Variants in NDST4 observed in about 807,000 individuals in gnomAD.
The protein encoded by NDST4 is N-heparan sulfate sulfotransferase 4.
Under a neutral mutation model 100.8 loss-of-function variants are expected in NDST4, and 63 were observed. The observed-to-expected ratio is 0.62, with a 90% CI of 0.51 to 0.77. The LOEUF is 0.77. Among genes scored for constraint, NDST4 ranks in the 30% least tolerant of loss-of-function variants. The pLI is 0.00. For synonymous variants in NDST4, 377 were observed against 361.8 expected (o/e 1.04, Z -0.48); for missense variants, 943 against 1,018.4 (o/e 0.93, Z 1.01).
chr4:114,929,203 C>T (rs1170968776), intron 6 of NDST4, among the ~76,000 whole-genome samples: 1 of 151,294 alleles, frequency 6.6e-6, no homozygotes, highest in African/African-American at 2.4e-5. Flanking sequence ...TGGAGAACCC[C>T]GTCTAAGACA....
At chr4:114,924,652 CA>C (rs1725353412) in intron 6 of NDST4, among the ~76,000 whole-genome samples, 1 of 151,992 alleles carries the variant, frequency 6.6e-6, no homozygotes, top group African/African-American at 2.4e-5. Context: ...AGAAAAGTTA[CA>C]AGTTAATTTC....
intron 6 of NDST4, among the ~76,000 whole-genome samples, chr4:114,898,337 T>C (rs2126208995): frequency 6.6e-6 from 1 of 152,288 alleles, no homozygotes; most frequent in South Asian, 2.1e-4. Flanking sequence ...TTTTGCCTTT[T>C]CTTCTTTGTC....
At chr4:115,011,105 A>G (rs1324862849) in intron 2 of NDST4, among the ~76,000 whole-genome samples, 1 of 152,036 alleles carries the variant, frequency 6.6e-6, no homozygotes, top group African/African-American at 2.4e-5. Flanking sequence ...AAATAGATAC[A>G]AAAAGGAAAT....
At chr4:115,078,391 G>C (rs901213656) in intron 1 of NDST4, among the ~76,000 whole-genome samples, 2 of 152,176 alleles carry the variant, frequency 1.3e-5, no homozygotes, top group African/African-American at 4.8e-5. Context: ...CCAAAATGCT[G>C]ATAGTGATAT....
At chr4:115,034,863 C>T (rs950088885) in intron 2 of NDST4, among the ~76,000 whole-genome samples, 1 of 152,122 alleles carries the variant, frequency 6.6e-6, no homozygotes, top group Non-Finnish European at 1.5e-5. Context: ...GATTTATCGT[C>T]AGCCTCGTCT....
At chr4:114,988,510 C>A in intron 2 of NDST4, among the ~76,000 whole-genome samples, 1 of 151,294 alleles carries the variant, frequency 6.6e-6, no homozygotes, top group Non-Finnish European at 1.5e-5. Context: ...TACAGGCGCC[C>A]GCCACCACGC....
intron 8 of NDST4, among the ~76,000 whole-genome samples, chr4:114,850,548 T>C (rs1370322750): frequency 6.6e-6 from 1 of 152,204 alleles, no homozygotes; most frequent in Non-Finnish European, 1.5e-5. Flanking sequence ...TTTCTATCAA[T>C]TTCTTTTACC....
intron 2 of NDST4, among the ~76,000 whole-genome samples, chr4:115,055,404 T>G (rs1343013000): frequency 2.0e-5 from 3 of 152,078 alleles, no homozygotes; most frequent in African/African-American, 7.2e-5. Flanking sequence ...CCAAAAAGAT[T>G]GGGGATCACT....
chr4:114,842,214 T>C (rs544095628), intron 10 of NDST4, among the ~76,000 whole-genome samples: 99 of 152,324 alleles, frequency 6.5e-4, no homozygotes, highest in African/African-American at 2.2e-3. Context: ...CACTGTATAA[T>C]GATTTCACAT....
At chr4:115,088,185 G>A (rs933511974) in intron 1 of NDST4, among the ~76,000 whole-genome samples, 1 of 151,898 alleles carries the variant, frequency 6.6e-6, no homozygotes, top group Non-Finnish European at 1.5e-5. Flanking sequence ...AACAGAAAGT[G>A]AAGGTTGAAC....
At chr4:114,996,343 C>A (rs1727161796) in intron 2 of NDST4, among the ~76,000 whole-genome samples, 1 of 152,014 alleles carries the variant, frequency 6.6e-6, no homozygotes, top group Non-Finnish European at 1.5e-5. Flanking sequence ...CTGAGTCCCC[C>A]CAAATCATGC....
chr4:114,973,999 T>C (rs1319504673), intron 3 of NDST4, among the ~76,000 whole-genome samples: 1 of 151,936 alleles, frequency 6.6e-6, no homozygotes, highest in Non-Finnish European at 1.5e-5. Flanking sequence ...TAGTGCCATA[T>C]GAATTGTCTA....
chr4:114,883,229 A>G (rs1442497936), intron 6 of NDST4, among the ~76,000 whole-genome samples: 1 of 152,122 alleles, frequency 6.6e-6, no homozygotes, highest in East Asian at 1.9e-4. Context: ...ATAACTGTAT[A>G]CAGCAATAAA....
At chr4:115,034,471 C>T (rs1728189694) in intron 2 of NDST4, among the ~76,000 whole-genome samples, 1 of 151,908 alleles carries the variant, frequency 6.6e-6, no homozygotes, top group Admixed American at 6.6e-5. Context: ...GTGATTACAA[C>T]AATAATAAAA....
intron 1 of NDST4, among the ~76,000 whole-genome samples, chr4:115,095,291 T>C (rs189180654): frequency 6.6e-6 from 1 of 152,234 alleles, no homozygotes; most frequent in East Asian, 1.9e-4. Flanking sequence ...CTACCCTCTC[T>C]TTTTCTTGAA....
intron 6 of NDST4, among the ~76,000 whole-genome samples, chr4:114,874,869 T>C (rs1232499468): frequency 6.6e-6 from 1 of 152,184 alleles, no homozygotes; most frequent in African/African-American, 2.4e-5. Flanking sequence ...TTTATTTTGA[T>C]TATTATTTTC....
intron 4 of NDST4, among the ~76,000 whole-genome samples, chr4:114,945,157 G>A (rs1369061532): frequency 7.8e-6 from 1 of 127,668 alleles, no homozygotes; most frequent in Non-Finnish European, 1.6e-5. Context: ...GTGGTGAGCC[G>A]AGATCATGCC....
chr4:114,998,454 T>C (rs1727212816), intron 2 of NDST4, among the ~76,000 whole-genome samples: 1 of 152,104 alleles, frequency 6.6e-6, no homozygotes, highest in Non-Finnish European at 1.5e-5. Flanking sequence ...CCCCATTAAC[T>C]ATTCCCTGGG....
chr4:114,870,254 A>T (rs10014430), intron 7 of NDST4, among the ~76,000 whole-genome samples: 6,290 of 152,216 alleles, frequency 0.041, 416 homozygotes, highest in African/African-American at 0.14. Flanking sequence ...TTAGTGAAAG[A>T]TCTGTTAGAT....
Sources: allele counts gnomAD v4.1 joint callset (sites outside exome capture counted in the v4.1 genomes callset), GRCh38; gene constraint gnomAD v4.1.1; transcripts MANE v1.5; gene names NCBI Gene and HGNC (gene_info 2026-07-23, HGNC 2026-07-21).